CRB1: variants seen among roughly 807,000 people sequenced by gnomAD.
CRB1 encodes the protein protein crumbs homolog 1.
CRB1 carries 83 observed loss-of-function variants against 120.0 expected under a neutral mutation model. That is an observed-to-expected ratio of 0.69 (90% CI 0.58 to 0.83). CRB1 has a LOEUF of 0.83. CRB1 is among the 40% of genes least tolerant of loss of function. The pLI is 0.00. For missense variants in CRB1, 1,699 were observed against 1,687.6 expected, an observed-to-expected ratio of 1.01 and a Z score of -0.12; for synonymous variants, 625 against 612.5, an observed-to-expected ratio of 1.02 and a Z score of -0.30.
chr1:197,435,392 A>G lies in CRB1; in HGVS notation c.3529A>G (p.Asn1177Asp). The G allele has an allele frequency of 6.2e-7, 1 of 1,607,742 alleles. No individual in the cohort carries two copies. Among genetic ancestry groups the G allele is most frequent in the African/African-American group, 1.3e-5 (1 of 74,738 alleles). Reference sequence around the variant, plus strand: ...ATGGTCAGGGAAACACTGTGAACTCAACATCGATGAATGCTTTTCAAACCC... The same window carrying G: ...ATGGTCAGGGAAACACTGTGAACTCGACATCGATGAATGCTTTTCAAACCC... ...LGWSGKHCEL[N>D]IDECFSNPCI... Residue 1177 changes from asparagine to aspartate, a missense_variant, in exon 9 of 12, where the codon AAC (asparagine) becomes GAC (aspartate). Physicochemically the swap from Asn to Asp is conservative, Grantham distance 23 (BLOSUM62 1). Transcript: ENST00000367400.
intron 5 of CRB1, chr1:197,363,897 C>T (rs923063311): frequency 1.0e-5 from 12 of 1,175,686 alleles, no homozygotes; most frequent in Admixed American, 3.4e-5. Flanking sequence ...GGACCCTAAA[C>T]AGAATCCTCA....
At chr1:197,468,732 G>A (rs1394396788) in intron 11 of CRB1, among the ~76,000 whole-genome samples, 1 of 152,174 alleles carries the variant, frequency 6.6e-6, no homozygotes, top group Non-Finnish European at 1.5e-5. Context: ...GTTATGCCAG[G>A]CAGGCCTAGC....
chr1:197,406,035 A>G (rs1191192999), intron 5 of CRB1, among the ~76,000 whole-genome samples: 4 of 151,962 alleles, frequency 2.6e-5, no homozygotes, highest in South Asian at 2.1e-4. Flanking sequence ...CTGGGAAGTG[A>G]GGAGCCCCTC....
Position 197,421,707 on chromosome 1 carries a change from C to T in CRB1, c.1879C>T (p.Leu627=). 1 of 1,614,164 alleles carries T rather than the reference C, an allele frequency of 6.2e-7. No individual in the cohort carries two copies. Among genetic ancestry groups the T allele is most frequent in the African/African-American group, 1.3e-5 (1 of 75,054 alleles). ...PVGMTSNGVA[L]LNFYNMPSTP... ...GGGAATGACCAGCAATGGTGTTGCTCTGCTTAACTTCTATAATATGCCATC... is the reference window on the plus strand; with the variant it reads ...GGGAATGACCAGCAATGGTGTTGCTTTGCTTAACTTCTATAATATGCCATC... Residue 627 remains leucine (L), a synonymous_variant, in exon 6 of 12, where the codon CTG becomes TTG. Transcript: ENST00000367400.
At chr1:197,429,162 A>G (rs761749346) in intron 7 of CRB1, 46 of 1,530,374 alleles carry the variant, frequency 3.0e-5, no homozygotes, top group Non-Finnish European at 4.0e-5. Flanking sequence ...GTGCCTGGTA[A>G]TTTGTAAATT....
At chr1:197,449,467 T>C (rs1214492418) in intron 11 of CRB1, among the ~76,000 whole-genome samples, 1 of 152,086 alleles carries the variant, frequency 6.6e-6, no homozygotes, top group Non-Finnish European at 1.5e-5. Flanking sequence ...GCCGGGTTCA[T>C]GCCATTCTCC....
At position 197,312,112 on chromosome 1, in the gene CRB1, T is replaced by A. The variant is rs1161802178; in HGVS notation, c.71-16310T>A. Among the ~76,000 whole-genome samples the A allele has an allele frequency of 5.9e-5, 9 of 152,026 alleles. No individual in the cohort carries two copies. In the East Asian group the frequency reaches 1.7e-3, roughly 29 times the overall value. On this transcript the variant is annotated intron_variant, in intron 1 of 11. Coordinates refer to ENST00000367400, the MANE Select transcript of CRB1 (RefSeq NM_201253.3). The stretch of plus-strand genomic sequence containing the variant: ...CTCCAGATTTGATGAGATGAAAAAA[T>A]TTTTAATGTCCCTGAAAAAATATGT...
chr1:197,351,879 T>C (rs1660132719), intron 4 of CRB1, among the ~76,000 whole-genome samples: 3 of 152,178 alleles, frequency 2.0e-5, no homozygotes, highest in African/African-American at 7.2e-5. Context: ...AATACCCTTG[T>C]AACCTATCTT....
chr1:197,319,285 G>A (rs1263771257), intron 1 of CRB1, among the ~76,000 whole-genome samples: 13 of 48,626 alleles, frequency 2.7e-4, no homozygotes, highest in African/African-American at 5.2e-4. Context: ...AAAATTAGCC[G>A]GACGTGGTGG....
chr1:197,326,708 G>A (rs1658512186), intron 1 of CRB1, among the ~76,000 whole-genome samples: 1 of 152,006 alleles, frequency 6.6e-6, no homozygotes, highest in African/African-American at 2.4e-5. Flanking sequence ...AAACAAGGGA[G>A]CTGGGGAACA....
intron 11 of CRB1, among the ~76,000 whole-genome samples, chr1:197,477,391 A>G (rs1283306293): frequency 6.6e-6 from 1 of 152,206 alleles, no homozygotes; most frequent in Non-Finnish European, 1.5e-5. Context: ...TACATGAATC[A>G]TCTCAGTCAC....
the CRB1 span, among the ~76,000 whole-genome samples, chr1:197,243,801 G>T: frequency 6.6e-6 from 1 of 152,034 alleles, no homozygotes; most frequent in South Asian, 2.1e-4. Flanking sequence ...TTATTGTGTG[G>T]GGGTCTAAGT....
chr1:197,223,466 T>A, the CRB1 span, among the ~76,000 whole-genome samples: 1 of 151,808 alleles, frequency 6.6e-6, no homozygotes, highest in African/African-American at 2.4e-5. Flanking sequence ...CATAATATAC[T>A]GAAATATATC....
the CRB1 span, among the ~76,000 whole-genome samples, chr1:197,229,594 C>T: frequency 2.6e-5 from 4 of 152,016 alleles, no homozygotes; most frequent in Non-Finnish European, 5.9e-5. Flanking sequence ...GTTTTTCAGC[C>T]CTTGTTCCCC....
intron 1 of CRB1, among the ~76,000 whole-genome samples, chr1:197,319,346 T>C (rs1764624): frequency 0.68 from 92,573 of 135,574 alleles, 31,700 homozygotes; most frequent in East Asian, 0.92. Context: ...GAGAATTGCC[T>C]GAACCTGGGA....
At chr1:197,293,950 C>T (rs565878950) in intron 1 of CRB1, among the ~76,000 whole-genome samples, 3 of 152,158 alleles carry the variant, frequency 2.0e-5, no homozygotes, top group Admixed American at 2.0e-4. Flanking sequence ...GACCTAAGAC[C>T]ATAAAAACCC....
At chr1:197,446,964 T>C (rs977292839) in intron 11 of CRB1, among the ~76,000 whole-genome samples, 5 of 152,246 alleles carry the variant, frequency 3.3e-5, no homozygotes, top group African/African-American at 7.2e-5. Context: ...TATAGATCTA[T>C]TGAGTGTTAT....
chr1:197,290,575 T>C (rs1294774496), intron 1 of CRB1, among the ~76,000 whole-genome samples: 1 of 151,622 alleles, frequency 6.6e-6, no homozygotes, highest in Non-Finnish European at 1.5e-5. Flanking sequence ...TTCTCTCCCC[T>C]CTATCAGCCA....
chr1:197,208,828 A>C, the CRB1 span, among the ~76,000 whole-genome samples: 2 of 152,182 alleles, frequency 1.3e-5, no homozygotes, highest in African/African-American at 4.8e-5. Context: ...CTACCAGGGC[A>C]GGTAGAGAAA....
Sources: allele counts gnomAD v4.1 joint callset (sites outside exome capture counted in the v4.1 genomes callset), GRCh38; gene constraint gnomAD v4.1.1; transcripts MANE v1.5; gene names NCBI Gene and HGNC (gene_info 2026-07-23, HGNC 2026-07-21).